TRAK2: variants seen among roughly 807,000 people sequenced by gnomAD.
TRAK2 encodes trafficking kinesin protein 2.
In TRAK2, 81 loss-of-function variants were observed where a neutral mutation model predicts 104.6. The ratio of observed to expected loss-of-function variants is 0.77; its 90% CI spans 0.65 to 0.93. The LOEUF is 0.93. Among genes scored for constraint, TRAK2 ranks in the 40% least tolerant of loss-of-function variants. The probability of loss-of-function intolerance (pLI) is 0.00; values close to 1 mark genes in which losing one functional copy is unlikely to be tolerated. For missense variants in TRAK2, 1,002 were observed against 1,089.0 expected, an observed-to-expected ratio of 0.92 and a Z score of 1.12; for synonymous variants, 406 against 394.4, an observed-to-expected ratio of 1.03 and a Z score of -0.35.
chr2:201,415,577 T>C (rs1186205701), intron 2 of TRAK2, among the ~76,000 whole-genome samples: 2 of 151,842 alleles, frequency 1.3e-5, no homozygotes, highest in East Asian at 1.9e-4. Context: ...GAGTACAGTA[T>C]CTAAAATGAA....
chr2:201,450,688 C>CT (rs369626279), intron 1 of TRAK2, among the ~76,000 whole-genome samples: 6,022 of 137,252 alleles, frequency 0.044, 283 homozygotes, highest in African/African-American at 0.12. Flanking sequence ...GTGAAGTTAC[C>CT]TTTTTTTTTT....
chr2:201,413,294 A>C (rs1951663990), intron 2 of TRAK2: 2 of 1,262,626 alleles, frequency 1.6e-6, no homozygotes, highest in Non-Finnish European at 2.3e-6. Context: ...TCAATTTATT[A>C]AACATGGACT....
At chr2:201,385,226 G>T (rs1436427152) in intron 14 of TRAK2, among the ~76,000 whole-genome samples, 1 of 152,152 alleles carries the variant, frequency 6.6e-6, no homozygotes, top group Non-Finnish European at 1.5e-5. Context: ...TGGAAAATCT[G>T]CATAACTCCA....
chr2:201,381,166 T>A lies in TRAK2; in HGVS notation c.2122A>T (p.Thr708Ser). The change falls in exon 16 of 16, where the codon ACG (threonine) becomes TCG (serine). Residue 708 changes from threonine (T) to serine (S), a missense_variant. Coordinates refer to ENST00000332624, the MANE Select transcript of TRAK2 (RefSeq NM_015049.3). ...GACAAGGCAGGAGAATTCACAGCCG[T>A]GTTGGATGAACTGCTACCGCTACTT... ...CGSSGSSSSNTAVNSPALSYR... is the reference protein window; with the variant it reads ...CGSSGSSSSNSAVNSPALSYR... 6.2e-7 allele frequency: 1 copy of A among 1,613,420 alleles called. No individual in the cohort carries two copies. The highest frequency in any genetic ancestry group is 8.5e-7 in the Non-Finnish European group (1 of 1,179,890).
Position 201,395,200 on chromosome 2 carries a change from T to A in TRAK2, c.900+114A>T. The stretch of plus-strand genomic sequence containing the variant: ...TTAAAACAGCAATCAGATTAGGGCA[T>A]TTTAAAAGGGCAGGGACAATGTTTA... On this transcript the variant is annotated intron_variant, in intron 8 of 15. Coordinates refer to ENST00000332624, the MANE Select transcript of TRAK2 (RefSeq NM_015049.3). The A allele has an allele frequency of 5.6e-6, 5 of 897,052 alleles. No homozygotes were observed. The South Asian group carries it at 9.5e-5, about 17-fold the overall frequency. 55.6% of individuals were successfully genotyped at this position (897,052 alleles called of 1,614,324 possible). A position where few individuals can be genotyped will look rare whatever the true frequency, so the allele number is the denominator to read the frequency against.
At chr2:201,432,403 CT>C (rs1951849277) in intron 1 of TRAK2, among the ~76,000 whole-genome samples, 1 of 152,158 alleles carries the variant, frequency 6.6e-6, no homozygotes, top group Non-Finnish European at 1.5e-5. Flanking sequence ...TTTATTCAAC[CT>C]TTTTAGGAAC....
At chr2:201,413,698 C>T (rs886875873) in intron 2 of TRAK2, among the ~76,000 whole-genome samples, 1 of 151,962 alleles carries the variant, frequency 6.6e-6, no homozygotes, top group East Asian at 1.9e-4. Flanking sequence ...GGTAACTTGC[C>T]GAGGACACTA....
intron 1 of TRAK2, among the ~76,000 whole-genome samples, chr2:201,442,216 C>T (rs562516451): frequency 6.6e-6 from 1 of 151,212 alleles, no homozygotes; most frequent in South Asian, 2.1e-4. Context: ...CAGTGAAACC[C>T]CCGTCTCTAC....
Position 201,412,363 on chromosome 2 carries a change from T to C in TRAK2, c.92-4766A>G, listed in dbSNP as rs1475906915. ...GGGAATCTTTGTCATTTGATCTGCATCTGGTCTTACAGTTGGAGTTACATT... is the reference window on the plus strand; with the variant it reads ...GGGAATCTTTGTCATTTGATCTGCACCTGGTCTTACAGTTGGAGTTACATT... On this transcript the variant is annotated intron_variant, in intron 2 of 15. Coordinates refer to ENST00000332624, the MANE Select transcript of TRAK2 (RefSeq NM_015049.3). 6 of 1,338,740 alleles carry C rather than the reference T, an allele frequency of 4.5e-6. No homozygotes were observed. In the East Asian group the frequency reaches 1.4e-4, roughly 31 times the overall value. 82.9% of individuals were successfully genotyped at this position (1,338,740 alleles called of 1,614,324 possible).
chr2:201,392,670 G>C (rs530798266), intron 10 of TRAK2, among the ~76,000 whole-genome samples: 3 of 152,024 alleles, frequency 2.0e-5, no homozygotes, highest in Non-Finnish European at 4.4e-5. Context: ...AATTTCCTTA[G>C]GGCTCATCTT....
chr2:201,411,921 A>T, intron 2 of TRAK2: 1 of 1,043,798 alleles, frequency 9.6e-7, no homozygotes, highest in Non-Finnish European at 1.5e-6. Flanking sequence ...ATGTTTAGAC[A>T]GAGCTCCTGG....
chr2:201,430,551 G>C (rs1030916383), intron 1 of TRAK2, among the ~76,000 whole-genome samples: 1 of 152,186 alleles, frequency 6.6e-6, no homozygotes, highest in Admixed American at 6.5e-5. Context: ...CCCCAGGCTC[G>C]CTGCCACCTT....
At chr2:201,421,169 G>GAGTA (rs1951737614) in intron 1 of TRAK2, among the ~76,000 whole-genome samples, 1 of 152,068 alleles carries the variant, frequency 6.6e-6, no homozygotes, top group Admixed American at 6.5e-5. Context: ...ATATATTGTA[G>GAGTA]AGTCTATAAC....
intron 1 of TRAK2, among the ~76,000 whole-genome samples, chr2:201,448,560 T>G (rs1457700572): frequency 6.6e-6 from 1 of 152,216 alleles, no homozygotes; most frequent in Non-Finnish European, 1.5e-5. Context: ...TGCCTCCTAT[T>G]TCTTACCAAC....
At chr2:201,381,639 T>C (rs1951346341) in intron 15 of TRAK2, among the ~76,000 whole-genome samples, 1 of 152,180 alleles carries the variant, frequency 6.6e-6, no homozygotes, top group African/African-American at 2.4e-5. Context: ...GTGAGATACA[T>C]TGAGACAATA....
chr2:201,388,052 C>A (rs780128217), intron 12 of TRAK2, 51 bp from the exon 13 acceptor site: 1 of 1,553,046 alleles, frequency 6.4e-7, no homozygotes, highest in Non-Finnish European at 8.9e-7. Flanking sequence ...ATCAGCATGA[C>A]CCAGACCTCT....
intron 2 of TRAK2, 92 bp from the exon 3 acceptor site, chr2:201,407,689 A>G (rs1188586635): frequency 9.1e-7 from 1 of 1,102,332 alleles, no homozygotes; most frequent in African/African-American, 1.6e-5. Context: ...TTTCTAAAGT[A>G]GGATAACCAA....
At chr2:201,388,051 A>AC in intron 12 of TRAK2, 50 bp from the exon 13 acceptor site, 1 of 1,560,826 alleles carries the variant, frequency 6.4e-7, no homozygotes, top group Non-Finnish European at 8.8e-7. Context: ...CATCAGCATG[A>AC]CCCAGACCTC....
intron 2 of TRAK2, among the ~76,000 whole-genome samples, chr2:201,416,354 C>T (rs966564668): frequency 1.3e-5 from 2 of 151,884 alleles, no homozygotes; most frequent in Non-Finnish European, 1.5e-5. Flanking sequence ...TGCAGTGAGC[C>T]ATGATCGTGT....
Sources: gnomAD v4.1 joint callset for allele counts (sites outside exome capture counted in the v4.1 genomes callset) on GRCh38, gnomAD v4.1.1 for gene constraint, MANE v1.5 for transcripts, NCBI Gene and HGNC (gene_info 2026-07-23, HGNC 2026-07-21) for gene names.